Variants in ERBIN observed in about 807,000 individuals in gnomAD.
ERBIN encodes the protein erbb2 interacting protein, also known as densin-180-like protein.
Under a neutral mutation model 158.4 loss-of-function variants are expected in ERBIN, and 60 were observed. The observed-to-expected ratio is 0.38, with a 90% CI of 0.31 to 0.47. ERBIN has a LOEUF of 0.47. ERBIN is among the 20% of genes least tolerant of loss of function. The pLI, the probability that ERBIN is intolerant of heterozygous loss-of-function variation, is 0.99. For synonymous variants in ERBIN, 594 were observed against 557.2 expected, an observed-to-expected ratio of 1.07 and a Z score of -0.93; for missense variants, 1,610 against 1,648.0, an observed-to-expected ratio of 0.98 and a Z score of 0.40.
intron 1 of ERBIN, among the ~76,000 whole-genome samples, chr5:65,936,248 T>TA (rs1237292472): frequency 1.4e-4 from 22 of 152,294 alleles, no homozygotes; most frequent in African/African-American, 5.1e-4. Flanking sequence ...GCCAAGGTTA[T>TA]CACACAACCT....
At chr5:65,968,142 A>C (rs140217453) in intron 1 of ERBIN, among the ~76,000 whole-genome samples, 1 of 152,316 alleles carries the variant, frequency 6.6e-6, no homozygotes, top group East Asian at 1.9e-4. Flanking sequence ...AGAAGTGTAA[A>C]AGAATTTGTG....
At chr5:66,023,993 C>T (rs990642437) in intron 9 of ERBIN, among the ~76,000 whole-genome samples, 1 of 152,024 alleles carries the variant, frequency 6.6e-6, no homozygotes, top group Non-Finnish European at 1.5e-5. Context: ...TCTGTTTTAA[C>T]AACTGACAAA....
At chr5:66,059,786 T>C (rs1455798626) in intron 21 of ERBIN, among the ~76,000 whole-genome samples, 1 of 152,218 alleles carries the variant, frequency 6.6e-6, no homozygotes, top group Non-Finnish European at 1.5e-5. Flanking sequence ...TCTGCACCTA[T>C]TGAGATAATG....
At chr5:66,045,657 G>A (rs1002063526) in intron 17 of ERBIN, among the ~76,000 whole-genome samples, 1 of 152,046 alleles carries the variant, frequency 6.6e-6, no homozygotes, top group Admixed American at 6.6e-5. Context: ...CCTGAACTGG[G>A]AAACAAATAA....
At chr5:65,994,485 C>G (rs1468260054) in intron 3 of ERBIN, among the ~76,000 whole-genome samples, 2 of 152,032 alleles carry the variant, frequency 1.3e-5, no homozygotes, top group Admixed American at 6.6e-5. Flanking sequence ...ATTTTTTTTA[C>G]TAACTCAACA....
intron 14 of ERBIN, among the ~76,000 whole-genome samples, chr5:66,033,394 A>G (rs545809949): frequency 1.7e-4 from 26 of 152,340 alleles, no homozygotes; most frequent in African/African-American, 6.0e-4. Flanking sequence ...TTTAAATGGC[A>G]GTAGACTAAG....
intron 21 of ERBIN, among the ~76,000 whole-genome samples, chr5:66,059,146 A>C (rs1759964085): frequency 1.3e-5 from 2 of 152,026 alleles, no homozygotes; most frequent in African/African-American, 2.4e-5. Flanking sequence ...CATTTTCATG[A>C]TATTGATTCT....
intron 22 of ERBIN, among the ~76,000 whole-genome samples, chr5:66,073,014 T>G (rs1761667036): frequency 6.6e-6 from 1 of 152,200 alleles, no homozygotes. Context: ...TTTCTATTAT[T>G]TTACCCTCTT....
At chr5:65,952,794 T>C (rs1161371458) in intron 1 of ERBIN, among the ~76,000 whole-genome samples, 4 of 152,230 alleles carry the variant, frequency 2.6e-5, no homozygotes, top group African/African-American at 9.6e-5. Context: ...TTAAAGGATC[T>C]TATCCAAATG....
At chr5:66,003,886 T>A (rs941855502) in intron 4 of ERBIN, among the ~76,000 whole-genome samples, 2 of 151,476 alleles carry the variant, frequency 1.3e-5, no homozygotes, top group Non-Finnish European at 2.9e-5. Context: ...TTTTGTGATA[T>A]CTAATCTAGA....
intron 24 of ERBIN, 172 bp from the exon 25 acceptor site, chr5:66,076,701 CAG>C (rs1380679323): frequency 1.8e-5 from 11 of 613,510 alleles, no homozygotes; most frequent in Admixed American, 3.3e-5. Flanking sequence ...TCACTAAAGT[CAG>C]AATTACTAGA....
intron 14 of ERBIN, among the ~76,000 whole-genome samples, chr5:66,036,283 A>G (rs996733515): frequency 1.3e-5 from 2 of 152,098 alleles, no homozygotes; most frequent in African/African-American, 4.8e-5. Flanking sequence ...TGATTCTTTA[A>G]TCTGATCCCA....
chr5:65,992,776 G>T lies in ERBIN; in HGVS notation c.58G>T (p.Glu20Ter). ...GGTACCATGTCGCTGTCTACGAGGGGAAGAGGAGACTGTCACTACTCTTGA... is the reference window on the plus strand; with the variant it reads ...GGTACCATGTCGCTGTCTACGAGGGTAAGAGGAGACTGTCACTACTCTTGA... ...RLVPCRCLRGEEETVTTLDYS... is the reference protein window; with the variant it reads ...RLVPCRCLRG The change falls in exon 3 of 26, where the codon GAA (glutamate) becomes TAA (stop). Residue 20 changes from glutamate to a stop codon, truncating the protein, a stop_gained. Coordinates refer to ENST00000284037, the MANE Select transcript of ERBIN (RefSeq NM_001253697.2). LOFTEE classifies it high-confidence loss of function. 1.2e-6 allele frequency: 2 copies of T among 1,613,710 alleles called. No individual in the cohort carries two copies. Among genetic ancestry groups the T allele is most frequent in the Non-Finnish European group, 1.7e-6 (2 of 1,179,798 alleles).
chr5:66,039,747 G>A (rs1215887374), intron 15 of ERBIN, among the ~76,000 whole-genome samples: 2 of 151,842 alleles, frequency 1.3e-5, no homozygotes, highest in Admixed American at 6.6e-5. Context: ...TTAATTTGGA[G>A]ATTATGGGTG....
chr5:66,080,773 A>G lies in ERBIN; in HGVS notation c.*2243A>G, dbSNP rs1457643669. ...CAAACCTTAACTTCATTGTCTGCACATTACATTGAAGTATTATAAATGCAA... is the reference window on the plus strand; with the variant it reads ...CAAACCTTAACTTCATTGTCTGCACGTTACATTGAAGTATTATAAATGCAA... On this transcript the variant is annotated 3_prime_UTR_variant, in exon 26 of 26. Transcript: ENST00000284037. The G allele has an allele frequency of 6.6e-6, 1 of 152,072 alleles. No individual in the cohort carries two copies. Among genetic ancestry groups the G allele is most frequent in the Non-Finnish European group, 1.5e-5 (1 of 67,914 alleles). The allele number at this position is 152,072 out of a possible 1,614,324, so 9.4% of individuals were successfully genotyped here. A position where few individuals can be genotyped will look rare whatever the true frequency, so the allele number is the denominator to read the frequency against.
chr5:65,938,575 C>T (rs536172864), intron 1 of ERBIN, among the ~76,000 whole-genome samples: 6 of 151,748 alleles, frequency 4.0e-5, no homozygotes, highest in South Asian at 4.2e-4. Flanking sequence ...TTTCTTGAGA[C>T]GGAGTCTTCC....
intron 1 of ERBIN, among the ~76,000 whole-genome samples, chr5:65,938,231 T>G (rs1744330320): frequency 6.6e-6 from 1 of 152,194 alleles, no homozygotes; most frequent in Non-Finnish European, 1.5e-5. Context: ...ATTATCTGGC[T>G]ATTTAAATAA....
chr5:66,058,850 A>G (rs936060644), intron 21 of ERBIN, among the ~76,000 whole-genome samples: 8 of 152,002 alleles, frequency 5.3e-5, no homozygotes, highest in African/African-American at 1.5e-4. Context: ...AGTTGTAGAT[A>G]TGCGGCATTA....
intron 1 of ERBIN, among the ~76,000 whole-genome samples, chr5:65,974,239 G>T (rs1201339013): frequency 6.6e-6 from 1 of 152,126 alleles, no homozygotes; most frequent in East Asian, 1.9e-4. Context: ...TTATGATGTG[G>T]AGCTTTGACA....
Sources: allele counts gnomAD v4.1 joint callset (sites outside exome capture counted in the v4.1 genomes callset), GRCh38; gene constraint gnomAD v4.1.1; transcripts MANE v1.5; gene names NCBI Gene and HGNC (gene_info 2026-07-23, HGNC 2026-07-21).